Variants in SAP30BP observed in about 807,000 individuals in gnomAD.
The protein encoded by SAP30BP is SAP30-binding protein.
In SAP30BP, 31 loss-of-function variants were observed where a neutral mutation model predicts 46.3. The ratio of observed to expected loss-of-function variants is 0.67; its 90% CI spans 0.50 to 0.90. The LOEUF is 0.90. Ranked by LOEUF, SAP30BP falls within the 40% of genes least tolerant of loss-of-function variation. The pLI is 0.00. For missense variants in SAP30BP, 312 were observed against 391.0 expected (o/e 0.80, Z 1.70); for synonymous variants, 169 against 144.2 (o/e 1.17, Z -1.23).
In SAP30BP at chr17:75,671,837, GA is replaced by G. The variant is rs1242431237; in HGVS notation, c.243del (p.Lys81AsnfsTer63). The G allele has an allele frequency of 6.2e-7, 1 of 1,613,818 alleles. No homozygotes were observed. The highest frequency in any genetic ancestry group is 1.6e-4 in the Middle Eastern group (1 of 6,062). On this transcript the variant is annotated frameshift_variant, in exon 3 of 11. Transcript: ENST00000584667. LOFTEE classifies it high-confidence loss of function. Reference sequence around the variant, plus strand: ...GTAGGAAGATGACGATTCAGAGACTGAAAAACCTGAGGCTGATGACCCAAAG... The same window carrying G: ...GTAGGAAGATGACGATTCAGAGACTGAAAACCTGAGGCTGATGACCCAAAG... Reference protein sequence around the residue: ...RQSEDDDSETEKPEADDPKDN... With the variant: ...RQSEDDDSETXKPEADDPKDN...
At chr17:75,678,463 A>AACAC (rs59943167) in intron 3 of SAP30BP, among the ~76,000 whole-genome samples, 44,372 of 147,398 alleles carry the variant, frequency 0.3, 6,757 homozygotes, top group East Asian at 0.51. Flanking sequence ...CACAATTTAA[A>AACAC]ACACACACAC....
At chr17:75,682,201 T>C (rs1296322298) in intron 3 of SAP30BP, among the ~76,000 whole-genome samples, 1 of 152,062 alleles carries the variant, frequency 6.6e-6, no homozygotes, top group Non-Finnish European at 1.5e-5. Context: ...TTTTTTTTTT[T>C]GAGACGGAGT....
chr17:75,705,594 T>C, intron 9 of SAP30BP: 1 of 1,031,834 alleles, frequency 9.7e-7, no homozygotes, highest in Non-Finnish European at 1.2e-6. Flanking sequence ...TCTTTCCCTC[T>C]CCCTTCCAAA....
Position 75,706,614 on chromosome 17 carries a change from C to A in SAP30BP, c.*93C>A. 8.3e-7 allele frequency: 1 copy of A among 1,211,324 alleles called. No individual in the cohort carries two copies. The highest frequency in any genetic ancestry group is 1.2e-6 in the Non-Finnish European group (1 of 847,758). 75.0% of individuals were successfully genotyped at this position (1,211,324 alleles called of 1,614,324 possible). A position where few individuals can be genotyped will look rare whatever the true frequency, so the allele number is the denominator to read the frequency against. On this transcript the variant is annotated 3_prime_UTR_variant, in exon 11 of 11. Coordinates refer to ENST00000584667, the MANE Select transcript of SAP30BP (RefSeq NM_013260.8). This position sits in a 1 kb window ranked among gnomAD's most constrained non-coding sequence, Gnocchi z 4.6. ...CACTTTGTATATTTCAGGACTGGGA[C>A]CTACTCCCCAGATGCCACCTGAGAG... is the stretch of plus-strand genomic sequence containing the variant.
chr17:75,680,586 G>A (rs2060061755), intron 3 of SAP30BP, among the ~76,000 whole-genome samples: 1 of 152,178 alleles, frequency 6.6e-6, no homozygotes, highest in South Asian at 2.1e-4. Context: ...GGTGCTTTTC[G>A]CAGTATACAA....
chr17:75,687,949 T>G (rs1221869659), intron 3 of SAP30BP, among the ~76,000 whole-genome samples: 8 of 97,380 alleles, frequency 8.2e-5, no homozygotes, highest in Non-Finnish European at 1.9e-4. Flanking sequence ...TGTGTGTGTG[T>G]GTGTGTGAGA....
Position 75,704,824 on chromosome 17 carries a change from G to A in SAP30BP, c.660+10G>A, listed in dbSNP as rs1436993131. On this transcript the variant is annotated intron_variant, in intron 9 of 10. Transcript: ENST00000584667. ...AAAGGAGCGAACAAAAGTAAGTGAT[G>A]GCAGACCTCCTAGATGAAAAAGGCA... 1 of 1,609,316 alleles carries A rather than the reference G, an allele frequency of 6.2e-7. No individual in the cohort carries two copies. The highest frequency in any genetic ancestry group is 1.3e-5 in the African/African-American group (1 of 74,810).
chr17:75,671,952 C>A (rs2148369445), intron 3 of SAP30BP, 89 bp downstream of exon 3: 2 of 1,054,402 alleles, frequency 1.9e-6, no homozygotes, highest in African/African-American at 3.1e-5. Flanking sequence ...CAAGATCTGT[C>A]CCACTGACAA....
intron 3 of SAP30BP, among the ~76,000 whole-genome samples, chr17:75,691,178 A>G (rs1025990706): frequency 5.9e-5 from 9 of 151,910 alleles, no homozygotes; most frequent in African/African-American, 2.2e-4. Flanking sequence ...TTGAGGGTGT[A>G]CTCTGGGCAT....
At chr17:75,696,374 A>T (rs2060318358) in intron 4 of SAP30BP, among the ~76,000 whole-genome samples, 1 of 139,032 alleles carries the variant, frequency 7.2e-6, no homozygotes, top group Non-Finnish European at 1.6e-5. Context: ...TTCTACTAAA[A>T]ATCCAAAAAA....
At chr17:75,687,451 AC>A (rs2060173553) in intron 3 of SAP30BP, among the ~76,000 whole-genome samples, 1 of 151,956 alleles carries the variant, frequency 6.6e-6, no homozygotes, top group Non-Finnish European at 1.5e-5. Flanking sequence ...CCCCATCTCT[AC>A]AAAAAATTTA....
intron 5 of SAP30BP, among the ~76,000 whole-genome samples, chr17:75,700,426 G>T (rs1027572461): frequency 1.3e-5 from 2 of 152,190 alleles, no homozygotes; most frequent in African/African-American, 4.8e-5. Context: ...CTAGGGTTCA[G>T]CCCGTGGCTC....
Position 75,691,779 on chromosome 17 carries a change from A to G in SAP30BP, c.265-1661A>G, listed in dbSNP as rs776813106. On this transcript the variant is annotated intron_variant, in intron 3 of 10. Coordinates refer to ENST00000584667, the MANE Select transcript of SAP30BP (RefSeq NM_013260.8). ...GTGAGGGAGGAGCTGATGTTTTCCT[A>G]CAATCAGCACCCAGAAAGCTGTTCT... 3 of 259,546 alleles carry G rather than the reference A, an allele frequency of 1.2e-5. No individual in the cohort carries two copies. In the East Asian group the frequency reaches 3.0e-4, roughly 26 times the overall value. 16.1% of individuals were successfully genotyped at this position (259,546 alleles called of 1,614,324 possible). A position where few individuals can be genotyped will look rare whatever the true frequency, so the allele number is the denominator to read the frequency against.
At chr17:75,673,191 G>A (rs1356256531) in intron 3 of SAP30BP, among the ~76,000 whole-genome samples, 1 of 152,058 alleles carries the variant, frequency 6.6e-6, no homozygotes, top group Admixed American at 6.6e-5. Flanking sequence ...GTTTTACCAG[G>A]AAAGAAAGTT....
chr17:75,696,377 C>A (rs7208873), intron 4 of SAP30BP, among the ~76,000 whole-genome samples: 101,476 of 131,472 alleles, frequency 0.77, 36,015 homozygotes, highest in African/African-American at 0.83. Flanking sequence ...TACTAAAAAT[C>A]CAAAAAAAAA....
chr17:75,671,787 C>T (rs772555720), intron 2 of SAP30BP, 29 bp from the exon 3 acceptor site: 2 of 1,600,640 alleles, frequency 1.2e-6, no homozygotes, highest in Non-Finnish European at 1.7e-6. Flanking sequence ...CTCCTTTAAG[C>T]TTAATCCTCT....
chr17:75,688,163 C>A (rs1415522066), intron 3 of SAP30BP, among the ~76,000 whole-genome samples: 1 of 152,092 alleles, frequency 6.6e-6, no homozygotes, highest in Non-Finnish European at 1.5e-5. Context: ...TTTCAGGGAG[C>A]AGGCATTGCA....
At position 75,703,299 on chromosome 17, in the gene SAP30BP, C is replaced by T; in HGVS notation, c.489-12C>T. 6.2e-7 allele frequency: 1 copy of T among 1,614,040 alleles called. No homozygotes were observed. Among genetic ancestry groups the T allele is most frequent in the South Asian group, 1.1e-5 (1 of 91,080 alleles). ...GACTTGTGCCTGCTCAGCGCCGGCACTGTTCTTTCAGCATCTACGAGAAGC... is the reference window on the plus strand; with the variant it reads ...GACTTGTGCCTGCTCAGCGCCGGCATTGTTCTTTCAGCATCTACGAGAAGC... On this transcript the variant is annotated splice_polypyrimidine_tract_variant and intron_variant, in intron 6 of 10. Transcript: ENST00000584667.
At chr17:75,685,242 A>T in intron 3 of SAP30BP, among the ~76,000 whole-genome samples, 1 of 152,108 alleles carries the variant, frequency 6.6e-6, no homozygotes, top group East Asian at 1.9e-4. Flanking sequence ...TCTGGGACTC[A>T]TTTCTTTGAA....
Sources: gnomAD v4.1 joint callset for allele counts (sites outside exome capture counted in the v4.1 genomes callset) on GRCh38, gnomAD v4.1.1 for gene constraint, Gnocchi (gnomAD v3.1) non-coding constraint, MANE v1.5 for transcripts, NCBI Gene and HGNC (gene_info 2026-07-23, HGNC 2026-07-21) for gene names.